The following LAMA2 variants were observed in gnomAD, a reference collection of about 807,000 sequenced individuals.
The protein encoded by LAMA2 is laminin subunit alpha-2.
In LAMA2, 269 loss-of-function variants were observed where a neutral mutation model predicts 364.8. The ratio of observed to expected loss-of-function variants is 0.74; its 90% CI spans 0.67 to 0.82. LAMA2 has a LOEUF of 0.82. Among genes scored for constraint, LAMA2 ranks in the 40% least tolerant of loss-of-function variants. The pLI is 0.00. For synonymous variants in LAMA2, 1,379 were observed against 1,370.6 expected, an observed-to-expected ratio of 1.01 and a Z score of -0.14; for missense variants, 3,807 against 3,873.2, an observed-to-expected ratio of 0.98 and a Z score of 0.45.
At chr6:129,115,263 G>T (rs1390794834) in intron 4 of LAMA2, among the ~76,000 whole-genome samples, 2 of 152,014 alleles carry the variant, frequency 1.3e-5, no homozygotes, top group African/African-American at 4.8e-5. Context: ...AAAGAACAGA[G>T]AAATAACCAG....
At chr6:129,146,880 T>A (rs757855768) in intron 5 of LAMA2, 79 bp from the exon 6 acceptor site, 2 of 905,572 alleles carry the variant, frequency 2.2e-6, no homozygotes, top group Non-Finnish European at 3.7e-6. Flanking sequence ...GAAAATAAAG[T>A]TTTTACTGAA....
intron 12 of LAMA2, among the ~76,000 whole-genome samples, chr6:129,234,804 C>G (rs530167711): frequency 2.0e-5 from 3 of 152,086 alleles, no homozygotes; most frequent in African/African-American, 7.2e-5. Context: ...AGGAATATAA[C>G]AGGGGGCATA....
At chr6:129,240,821 T>A (rs1034880084) in intron 12 of LAMA2, among the ~76,000 whole-genome samples, 1 of 152,242 alleles carries the variant, frequency 6.6e-6, no homozygotes, top group African/African-American at 2.4e-5. Flanking sequence ...ATTATCCTAA[T>A]ATACAGAAGC....
intron 37 of LAMA2, among the ~76,000 whole-genome samples, chr6:129,399,610 G>A (rs1779851106): frequency 6.6e-6 from 1 of 152,196 alleles, no homozygotes; most frequent in Non-Finnish European, 1.5e-5. Flanking sequence ...CATAGAGAAT[G>A]ATTGAGACAA....
chr6:128,938,170 C>T (rs1779944349), intron 1 of LAMA2, among the ~76,000 whole-genome samples: 1 of 151,944 alleles, frequency 6.6e-6, no homozygotes, highest in Non-Finnish European at 1.5e-5. Context: ...TTAGGTAAGC[C>T]ATTTAAACTC....
At chr6:129,172,850 C>G (rs1010195359) in intron 9 of LAMA2, among the ~76,000 whole-genome samples, 2 of 152,248 alleles carry the variant, frequency 1.3e-5, no homozygotes, top group African/African-American at 4.8e-5. Context: ...ACCCTCCAAG[C>G]CAGGTGCAGG....
At chr6:129,356,869 C>G (rs1055216565) in intron 32 of LAMA2, among the ~76,000 whole-genome samples, 1 of 152,008 alleles carries the variant, frequency 6.6e-6, no homozygotes, top group Non-Finnish European at 1.5e-5. Context: ...ATGGTAGATT[C>G]CTTTTCATCA....
rs76556968 is a variant in LAMA2, at chr6:129,392,585, A to G, written c.5235-460A>G. On this transcript the variant is annotated intron_variant, in intron 36 of 64. Transcript: ENST00000421865. ...TCAATCAGTTGGAAGAAAAAGAAAC[A>G]TAGATTAAAATTATGCTAGTCTACT... 2.5e-3 allele frequency among the ~76,000 whole-genome samples: 380 copies of G among 152,354 alleles called. 6 individuals carry two copies. In the East Asian group the frequency reaches 0.042, roughly 17 times the overall value.
intron 12 of LAMA2, among the ~76,000 whole-genome samples, chr6:129,236,004 TA>T (rs1392761707): frequency 1.3e-5 from 2 of 152,206 alleles, no homozygotes; most frequent in African/African-American, 4.8e-5. Flanking sequence ...ATTTCCCTAT[TA>T]AGCAAGAAAT....
chr6:129,324,249 TTTATGTATGACAATTA>T (rs1370567488), intron 28 of LAMA2, among the ~76,000 whole-genome samples: 3 of 152,236 alleles, frequency 2.0e-5, no homozygotes, highest in Admixed American at 6.5e-5. Flanking sequence ...AACCTATTGA[TTTATGTATGACAATTA>T]TTAAACATGC....
intron 12 of LAMA2, among the ~76,000 whole-genome samples, chr6:129,234,578 T>A (rs1784866149): frequency 6.6e-6 from 1 of 152,178 alleles, no homozygotes; most frequent in Admixed American, 6.6e-5. Context: ...ATAAATACAG[T>A]TTAAATTGAA....
At chr6:128,981,964 C>T (rs545793214) in intron 1 of LAMA2, among the ~76,000 whole-genome samples, 1 of 152,278 alleles carries the variant, frequency 6.6e-6, no homozygotes, top group East Asian at 1.9e-4. Context: ...GCTCTCATAG[C>T]ACATAGGCTG....
At position 129,427,736 on chromosome 6, in the gene LAMA2, G is replaced by C. The variant is rs753510901; in HGVS notation, c.5866-16G>C. On this transcript the variant is annotated splice_polypyrimidine_tract_variant and intron_variant, in intron 40 of 64. Coordinates refer to ENST00000421865, the MANE Select transcript of LAMA2 (RefSeq NM_000426.4). ...CTATGGTTTTAGATGTATGACATTT[G>C]TTTTTCTGTCCACAGGCAACAGGTC... is the stretch of plus-strand genomic sequence containing the variant. 1.1e-5 allele frequency: 17 copies of C among 1,577,176 alleles called. No homozygotes were observed. The highest frequency in any genetic ancestry group is 1.5e-5 in the Non-Finnish European group (17 of 1,147,070).
intron 48 of LAMA2, among the ~76,000 whole-genome samples, chr6:129,459,630 C>T (rs1194276179): frequency 2.0e-5 from 3 of 151,986 alleles, no homozygotes; most frequent in Non-Finnish European, 4.4e-5. Flanking sequence ...TTTACAGCAG[C>T]ACTACCATAG....
chr6:129,122,851 C>T (rs1370615620), intron 4 of LAMA2, among the ~76,000 whole-genome samples: 1 of 151,974 alleles, frequency 6.6e-6, no homozygotes, highest in Non-Finnish European at 1.5e-5. Context: ...TCCTCATCCA[C>T]AAAAAGGATG....
At chr6:129,294,286 A>C (rs1354114057) in intron 20 of LAMA2, among the ~76,000 whole-genome samples, 2 of 152,190 alleles carry the variant, frequency 1.3e-5, no homozygotes, top group Non-Finnish European at 2.9e-5. Context: ...AGAGAAGGAT[A>C]CTCTTGTGGA....
At chr6:129,438,484 A>AAAT (rs1781942226) in intron 41 of LAMA2, among the ~76,000 whole-genome samples, 162 bp from the exon 42 acceptor site, 1 of 152,020 alleles carries the variant, frequency 6.6e-6, no homozygotes, top group African/African-American at 2.4e-5. Flanking sequence ...CATATTTTTA[A>AAAT]AATATGATTG....
chr6:129,127,225 C>A (rs1439366767), intron 4 of LAMA2, among the ~76,000 whole-genome samples: 1 of 152,108 alleles, frequency 6.6e-6, no homozygotes, highest in Non-Finnish European at 1.5e-5. Flanking sequence ...GATTTTGTGC[C>A]CTTTGACATA....
rs2326759 is a variant in LAMA2 at position 129,177,591 on chromosome 6, A to C, written c.1307-115A>C. 258,355 of 1,063,972 alleles carry C rather than the reference A, an allele frequency of 0.24. 38,586 individuals carry two copies. Among genetic ancestry groups the C allele is most frequent in the African/African-American group, 0.69 (43,783 of 63,562 alleles). The allele number at this position is 1,063,972 out of a possible 1,614,324, so 65.9% of individuals were successfully genotyped here. A position where few individuals can be genotyped will look rare whatever the true frequency, so the allele number is the denominator to read the frequency against. ...TTAACTTTTCTTTATTGATATATAT[A>C]AAAAATCTATTTTTGTGTCAAAATA... On this transcript the variant is annotated intron_variant, in intron 9 of 64. Coordinates refer to ENST00000421865, the MANE Select transcript of LAMA2 (RefSeq NM_000426.4).
Sources: allele counts gnomAD v4.1 joint callset (sites outside exome capture counted in the v4.1 genomes callset), GRCh38; gene constraint gnomAD v4.1.1; transcripts MANE v1.5; gene names NCBI Gene and HGNC (gene_info 2026-07-23, HGNC 2026-07-21).